The following IL16 variants were observed in gnomAD, a reference collection of about 807,000 sequenced individuals.
IL16 encodes the protein pro-interleukin-16.
In IL16, 67 loss-of-function variants were observed where a neutral mutation model predicts 110.1. The observed-to-expected ratio is 0.61, with a 90% CI of 0.50 to 0.75. The LOEUF is 0.75. Ranked by LOEUF, IL16 falls within the 30% of genes least tolerant of loss-of-function variation. IL16 has a pLI of 0.00. For synonymous variants in IL16, 689 were observed against 662.9 expected (o/e 1.04, Z -0.61); for missense variants, 1,545 against 1,655.0 (o/e 0.93, Z 1.15).
rs1434250946 is a variant in IL16 at position 81,303,575 on chromosome 15, C to G, written c.3345C>G (p.Ile1115Met). 3 of 1,613,694 alleles carry G rather than the reference C, an allele frequency of 1.9e-6. No individual in the cohort carries two copies. Among genetic ancestry groups the G allele is most frequent in the Non-Finnish European group, 2.5e-6 (3 of 1,179,644 alleles). Residue 1115 changes from isoleucine (I) to methionine (M), a missense_variant, in exon 16 of 19, where the codon ATC (isoleucine) becomes ATG (methionine). Transcript: ENST00000683961. This position sits in a 1 kb window ranked among gnomAD's most constrained non-coding sequence, Gnocchi z 4.1. ...LKQLDGIHVT[I>M]LHKEEGAGLG... ...AATTAGACGGCATCCATGTCACCAT[C>G]TTACACAAGGAGGAAGGTGCTGGTC...
intron 6 of IL16, among the ~76,000 whole-genome samples, chr15:81,277,537 C>T (rs1898969623): frequency 6.6e-6 from 1 of 151,964 alleles, no homozygotes; most frequent in African/African-American, 2.4e-5. Context: ...CTTGATCTCC[C>T]AGGTTCAAGT....
At chr15:81,270,363 G>T (rs767661668) in intron 5 of IL16, among the ~76,000 whole-genome samples, 1 of 152,142 alleles carries the variant, frequency 6.6e-6, no homozygotes, top group African/African-American at 2.4e-5. Context: ...ATGAAAGGGT[G>T]GTTTCTTTAT....
At chr15:81,261,125 A>G (rs1341789844) in intron 3 of IL16, among the ~76,000 whole-genome samples, 3 of 152,112 alleles carry the variant, frequency 2.0e-5, no homozygotes, top group African/African-American at 7.2e-5. Context: ...TTGCTTTTTT[A>G]CTGTTTTGTT....
At chr15:81,258,055 G>A (rs553462397) in intron 2 of IL16, among the ~76,000 whole-genome samples, 1 of 152,228 alleles carries the variant, frequency 6.6e-6, no homozygotes, top group East Asian at 1.9e-4. Flanking sequence ...AAGAATTATG[G>A]TAGAGTAATA....
Position 81,279,587 on chromosome 15 carries a change from C to T in IL16, c.894C>T (p.Thr298=), listed in dbSNP as rs761191691. 20 of 1,613,520 alleles carry T rather than the reference C, an allele frequency of 1.2e-5. No individual in the cohort carries two copies. Among genetic ancestry groups the T allele is most frequent in the South Asian group, 5.5e-5 (5 of 91,082 alleles). Residue 298 remains threonine (T), a synonymous_variant, in exon 8 of 19, where the codon ACC becomes ACT. Transcript: ENST00000683961. Reference sequence around the variant, plus strand: ...CCAAAAAGGGGCTCCTCACCCTCACCGTGAGAACCCGCCTGACGGCGCCTC... The same window carrying T: ...CCAAAAAGGGGCTCCTCACCCTCACTGTGAGAACCCGCCTGACGGCGCCTC... ...KQAKKGLLTL[T]VRTRLTAPPS... is the part of the protein sequence containing the mutation.
chr15:81,257,588 C>T (rs758278999), intron 2 of IL16, among the ~76,000 whole-genome samples: 22 of 152,068 alleles, frequency 1.4e-4, no homozygotes, highest in Non-Finnish European at 2.2e-4. Flanking sequence ...CCAGCAGAGC[C>T]CCTCAATACC....
At chr15:81,265,507 C>T in intron 3 of IL16, 152 bp from the exon 4 acceptor site, 3 of 753,334 alleles carry the variant, frequency 4.0e-6, no homozygotes, top group Non-Finnish European at 6.4e-6. Flanking sequence ...TCTTCCGCGG[C>T]CACCTCTCCC....
At chr15:81,292,471 G>C in intron 11 of IL16, 85 bp from the exon 12 acceptor site, 2 of 1,578,908 alleles carry the variant, frequency 1.3e-6, no homozygotes, top group Non-Finnish European at 1.7e-6. Flanking sequence ...GCAGTGTGCT[G>C]CCCGTGGCAG....
At position 81,313,168 on chromosome 15, in the gene IL16, TCTGCGTG is replaced by T; in HGVS notation, c.*4373_*4379del. ...TTGTTCCAAAGAGTGAACACAGGCC[TCTGCGTG>T]CTCCCAGGCTCCTTGGTGTCCCAAC... On this transcript the variant is annotated 3_prime_UTR_variant, in exon 19 of 19. Coordinates refer to ENST00000683961, the MANE Select transcript of IL16 (RefSeq NM_172217.5). 7.1e-7 allele frequency: 1 copy of T among 1,416,548 alleles called. No homozygotes were observed. The highest frequency in any genetic ancestry group is 9.4e-7 in the Non-Finnish European group (1 of 1,069,052). 87.7% of individuals were successfully genotyped at this position (1,416,548 alleles called of 1,614,324 possible).
At chr15:81,186,139 G>A (rs1895416175) in intron 1 of IL16, among the ~76,000 whole-genome samples, 1 of 152,236 alleles carries the variant, frequency 6.6e-6, no homozygotes, top group African/African-American at 2.4e-5. Context: ...ACCCTGGAAA[G>A]CCCTCAGTAA....
rs534354048 is a variant in IL16, at chr15:81,282,330, C to T, written c.1082-309C>T. On this transcript the variant is annotated intron_variant, in intron 8 of 18. Transcript: ENST00000683961. ...ATCCCTCACTTTCCAGCACATTCTG[C>T]GTACATTCACCACATAATACTTATC... Among the ~76,000 whole-genome samples the T allele has an allele frequency of 1.2e-4, 19 of 152,322 alleles. No individual in the cohort carries two copies. The East Asian group carries it at 3.7e-3, about 29-fold the overall frequency.
chr15:81,282,855 G>A, intron 9 of IL16, 99 bp downstream of exon 9: 3 of 986,162 alleles, frequency 3.0e-6, no homozygotes, highest in Non-Finnish European at 4.8e-6. Flanking sequence ...GAGCTATAAA[G>A]AATGATCTTG....
intron 6 of IL16, among the ~76,000 whole-genome samples, chr15:81,278,179 G>C (rs921430249): frequency 6.6e-6 from 1 of 152,074 alleles, no homozygotes; most frequent in African/African-American, 2.4e-5. Flanking sequence ...TGAGCAATCT[G>C]TAGACCTCAT....
intron 2 of IL16, among the ~76,000 whole-genome samples, chr15:81,234,870 C>T (rs1567010803): frequency 6.6e-6 from 1 of 152,104 alleles, no homozygotes; most frequent in Non-Finnish European, 1.5e-5. Flanking sequence ...ACAAATATAC[C>T]TTGATAAGAA....
intron 1 of IL16, among the ~76,000 whole-genome samples, chr15:81,200,954 T>A (rs1895788984): frequency 6.6e-6 from 1 of 152,160 alleles, no homozygotes; most frequent in Non-Finnish European, 1.5e-5. Context: ...TCTTATGCGC[T>A]TTCCCTCTCT....
intron 5 of IL16, among the ~76,000 whole-genome samples, chr15:81,272,671 G>A (rs966251237): frequency 6.6e-6 from 1 of 152,142 alleles, no homozygotes; most frequent in Non-Finnish European, 1.5e-5. Flanking sequence ...TTGTTGCTAG[G>A]CATTTTACTT....
At chr15:81,276,943 A>G (rs1363478612) in intron 6 of IL16, among the ~76,000 whole-genome samples, 2 of 152,196 alleles carry the variant, frequency 1.3e-5, no homozygotes, top group Non-Finnish European at 2.9e-5. Flanking sequence ...AGAACAATCT[A>G]AAAGAGACTA....
chr15:81,196,869 C>T, upstream of IL16: 8 of 1,152,582 alleles, frequency 6.9e-6, no homozygotes, highest in South Asian at 1.8e-5. Context: ...AAATCCATGC[C>T]AGGTGGGACA....
intron 6 of IL16, among the ~76,000 whole-genome samples, chr15:81,274,046 G>A (rs769696466): frequency 1.3e-5 from 2 of 152,110 alleles, no homozygotes; most frequent in African/African-American, 2.4e-5. Flanking sequence ...ACAGGGCAGA[G>A]AGTACCCACT....
Sources: gnomAD v4.1 joint callset for allele counts (sites outside exome capture counted in the v4.1 genomes callset) on GRCh38, gnomAD v4.1.1 for gene constraint, Gnocchi (gnomAD v3.1) non-coding constraint, MANE v1.5 for transcripts, NCBI Gene and HGNC (gene_info 2026-07-23, HGNC 2026-07-21) for gene names.